AUTS2: variants seen among roughly 807,000 people sequenced by gnomAD.
AUTS2 encodes autism susceptibility gene 2 protein.
A neutral mutation model predicts 112.4 loss-of-function variants in AUTS2; 17 were observed. The ratio of observed to expected loss-of-function variants is 0.15; its 90% CI spans 0.10 to 0.23. AUTS2 has a LOEUF of 0.23. AUTS2 is among the 10% of genes least tolerant of loss of function. AUTS2 has a pLI of 1.00. For missense variants in AUTS2, 1,510 were observed against 1,701.6 expected, an observed-to-expected ratio of 0.89 and a Z score of 1.98; for synonymous variants, 751 against 702.7, an observed-to-expected ratio of 1.07 and a Z score of -1.09.
intron 2 of AUTS2, among the ~76,000 whole-genome samples, chr7:70,115,919 G>A (rs1262010640): frequency 2.0e-5 from 3 of 152,136 alleles, no homozygotes; most frequent in African/African-American, 4.8e-5. Context: ...CACAGAGAAG[G>A]TAAGGGTGAA....
Position 69,812,447 on chromosome 7 carries a change from G to A in AUTS2, c.310-86839G>A, listed in dbSNP as rs897004467. Among the ~76,000 whole-genome samples the A allele has an allele frequency of 2.6e-5, 4 of 152,214 alleles. No individual in the cohort carries two copies. The South Asian group carries it at 8.3e-4, about 32-fold the overall frequency. On this transcript the variant is annotated intron_variant, in intron 1 of 18. Coordinates refer to ENST00000342771, the MANE Select transcript of AUTS2 (RefSeq NM_015570.4). ...AGATTACACTGCATGATAAATTTGG[G>A]CACTAGAGGTGCCAAAGATGGTGGC...
At chr7:70,195,779 C>T (rs1810140250) in intron 4 of AUTS2, among the ~76,000 whole-genome samples, 1 of 152,174 alleles carries the variant, frequency 6.6e-6, no homozygotes, top group Non-Finnish European at 1.5e-5. Context: ...ATTTTCCTAT[C>T]GCTTCCTTCC....
chr7:70,773,326 G>A (rs1790482029), intron 11 of AUTS2, among the ~76,000 whole-genome samples: 1 of 152,142 alleles, frequency 6.6e-6, no homozygotes, highest in South Asian at 2.1e-4. Flanking sequence ...ACTAGAAATA[G>A]TGATTGTGCC....
rs146250670 is a variant in AUTS2, at chr7:70,240,156, C to T, written c.660+105585C>T. On this transcript the variant is annotated intron_variant, in intron 4 of 18. Transcript: ENST00000342771. ...TCTCCCAGCCCCGGTAGCCAAGGAG[C>T]ACAGGTGGTAGGCTATAGAAGGAGA... Among the ~76,000 whole-genome samples, 1,314 of 152,258 alleles carry T rather than the reference C, an allele frequency of 8.6e-3. 12 individuals are homozygous for T. The highest frequency in any genetic ancestry group is 0.02 in the Middle Eastern group (6 of 294).
At chr7:70,355,746 C>G (rs2129624782) in intron 4 of AUTS2, among the ~76,000 whole-genome samples, 1 of 152,256 alleles carries the variant, frequency 6.6e-6, no homozygotes, top group African/African-American at 2.4e-5. Flanking sequence ...ACAGGCACTG[C>G]AGCTGATATA....
chr7:70,300,178 A>G (rs771725570), intron 4 of AUTS2, among the ~76,000 whole-genome samples: 1 of 152,146 alleles, frequency 6.6e-6, no homozygotes, highest in Non-Finnish European at 1.5e-5. Flanking sequence ...GCTACATTGG[A>G]AGAAGAATTG....
intron 5 of AUTS2, among the ~76,000 whole-genome samples, chr7:70,586,147 G>A (rs994573988): frequency 2.6e-5 from 4 of 152,140 alleles, no homozygotes; most frequent in African/African-American, 9.7e-5. Flanking sequence ...ACAGGCATGA[G>A]CGATCGCGCC....
intron 2 of AUTS2, among the ~76,000 whole-genome samples, chr7:69,946,557 T>TACACAC (rs57891742): frequency 4.2e-5 from 6 of 144,046 alleles, no homozygotes; most frequent in Non-Finnish European, 6.1e-5. Context: ...TGTGATGTGA[T>TACACAC]ACACACACAC....
chr7:70,655,663 C>A (rs931392231), intron 5 of AUTS2, among the ~76,000 whole-genome samples: 1 of 152,176 alleles, frequency 6.6e-6, no homozygotes, highest in African/African-American at 2.4e-5. Flanking sequence ...GCATCACCTG[C>A]CTCTGGCATA....
At chr7:70,221,826 G>A (rs1221748340) in intron 4 of AUTS2, among the ~76,000 whole-genome samples, 1 of 152,194 alleles carries the variant, frequency 6.6e-6, no homozygotes, top group Non-Finnish European at 1.5e-5. Flanking sequence ...GGCAGGGATT[G>A]CAGTGAGCCG....
chr7:70,709,974 G>C (rs908303775), intron 6 of AUTS2, among the ~76,000 whole-genome samples: 1 of 152,164 alleles, frequency 6.6e-6, no homozygotes, highest in African/African-American at 2.4e-5. Flanking sequence ...GAGTGGAAAA[G>C]ACAGTGGCTA....
At chr7:70,721,212 T>C (rs1786643187) in intron 6 of AUTS2, among the ~76,000 whole-genome samples, 1 of 151,500 alleles carries the variant, frequency 6.6e-6, no homozygotes, top group South Asian at 2.1e-4. Context: ...TACTGCTGTA[T>C]AGAGGTTCAA....
At chr7:69,666,202 AG>A (rs1407039317) in intron 1 of AUTS2, among the ~76,000 whole-genome samples, 1 of 152,216 alleles carries the variant, frequency 6.6e-6, no homozygotes, top group Non-Finnish European at 1.5e-5. Context: ...ACATATAAAA[AG>A]CTTCTCTAAG....
At chr7:70,678,392 C>G (rs1808036438) in intron 5 of AUTS2, among the ~76,000 whole-genome samples, 1 of 152,180 alleles carries the variant, frequency 6.6e-6, no homozygotes, top group African/African-American at 2.4e-5. Context: ...AACGTACTTC[C>G]AAATATTGCC....
In AUTS2 at chr7:69,935,942, A is replaced by T. The variant is rs115841462; in HGVS notation, c.522+36444A>T. 1.8e-3 allele frequency among the ~76,000 whole-genome samples: 280 copies of T among 152,306 alleles called. 3 individuals carry two copies. The highest frequency in any genetic ancestry group is 6.6e-3 in the African/African-American group (273 of 41,572). On this transcript the variant is annotated intron_variant, in intron 2 of 18. Transcript: ENST00000342771. ...CCTACTGTTACCTGCTAAAAAAGGCATTTAGTATATTTCACTCCTGAGTCC... is the reference window on the plus strand; with the variant it reads ...CCTACTGTTACCTGCTAAAAAAGGCTTTTAGTATATTTCACTCCTGAGTCC...
At chr7:70,773,693 T>G (rs1315485899) in intron 11 of AUTS2, among the ~76,000 whole-genome samples, 2 of 152,248 alleles carry the variant, frequency 1.3e-5, no homozygotes, top group Non-Finnish European at 2.9e-5. Context: ...AAAAAAACAG[T>G]GGCAGTCCCT....
intron 6 of AUTS2, among the ~76,000 whole-genome samples, chr7:70,715,752 C>T (rs1237693775): frequency 1.3e-5 from 2 of 152,050 alleles, no homozygotes; most frequent in Admixed American, 6.6e-5. Context: ...GGCTGGTCTC[C>T]AACCCCTGAC....
chr7:70,589,376 T>C (rs969106826), intron 5 of AUTS2, among the ~76,000 whole-genome samples: 1 of 147,322 alleles, frequency 6.8e-6, no homozygotes, highest in African/African-American at 2.5e-5. Flanking sequence ...AAAAATGACC[T>C]TTTTGTGCAC....
intron 1 of AUTS2, among the ~76,000 whole-genome samples, chr7:69,633,951 C>T (rs1794396030): frequency 6.6e-6 from 1 of 151,874 alleles, no homozygotes. Context: ...TTTGCTGCAG[C>T]CCCATATGTT....
Sources: allele counts gnomAD v4.1 joint callset (sites outside exome capture counted in the v4.1 genomes callset), GRCh38; gene constraint gnomAD v4.1.1; transcripts MANE v1.5; gene names NCBI Gene and HGNC (gene_info 2026-07-23, HGNC 2026-07-21).